FGD3: variants seen among roughly 807,000 people sequenced by gnomAD.
The protein encoded by FGD3 is FYVE, RhoGEF and PH domain containing 3, also known as FYVE, RhoGEF and PH domain-containing protein 3.
In FGD3, 45 loss-of-function variants were observed where a neutral mutation model predicts 71.8. The ratio of observed to expected loss-of-function variants is 0.63; its 90% CI spans 0.49 to 0.80. The LOEUF is 0.80. FGD3 is among the 30% of genes least tolerant of loss of function. The pLI is 0.00. For synonymous variants in FGD3, 378 were observed against 392.8 expected, an observed-to-expected ratio of 0.96 and a Z score of 0.44; for missense variants, 844 against 951.5, an observed-to-expected ratio of 0.89 and a Z score of 1.49.
intron 15 of FGD3, among the ~76,000 whole-genome samples, chr9:93,030,709 G>A (rs1213584569): frequency 1.4e-5 from 2 of 140,954 alleles, no homozygotes; most frequent in Admixed American, 7.1e-5. Context: ...CCACATGGCG[G>A]GGGGGCAGCA....
chr9:93,031,896 CAGAG>C (rs1461050783), intron 15 of FGD3, among the ~76,000 whole-genome samples: 8 of 151,912 alleles, frequency 5.3e-5, no homozygotes, highest in African/African-American at 1.9e-4. Context: ...GAGACCGAGG[CAGAG>C]AGAGACAGGA....
chr9:93,024,852 A>G (rs1296431285), intron 14 of FGD3, among the ~76,000 whole-genome samples: 1 of 152,252 alleles, frequency 6.6e-6, no homozygotes, highest in Non-Finnish European at 1.5e-5. Context: ...CTGCAAGGCC[A>G]TTGTTTAAAA....
rs746533794 is a variant in FGD3 at position 93,010,311 on chromosome 9, C to T, written c.903C>T (p.Pro301=). The change falls in exon 7 of 18, where the codon CCC becomes CCT. Residue 301 remains proline (P), a synonymous_variant. Transcript: ENST00000375482. Reference sequence around the variant, plus strand: ...TGCTGGAGCCCGTGCAGAGGGTCCCCCGGTACGAGCTGCTGCTCAAGGACT... The same window carrying T: ...TGCTGGAGCCCGTGCAGAGGGTCCCTCGGTACGAGCTGCTGCTCAAGGACT... ...HHMLEPVQRV[P]RYELLLKDYL... 9.3e-6 allele frequency: 15 copies of T among 1,613,688 alleles called. No individual in the cohort carries two copies. The highest frequency in any genetic ancestry group is 1.3e-5 in the Non-Finnish European group (15 of 1,179,684).
intron 7 of FGD3, among the ~76,000 whole-genome samples, chr9:93,010,782 A>T (rs1426894348): frequency 6.6e-6 from 1 of 152,106 alleles, no homozygotes; most frequent in East Asian, 1.9e-4. Flanking sequence ...GAAGGGACTT[A>T]GCATCTTTGA....
At chr9:93,022,429 C>G in intron 14 of FGD3, 40 bp downstream of exon 14, 1 of 1,601,604 alleles carries the variant, frequency 6.2e-7, no homozygotes, top group East Asian at 2.2e-5. Flanking sequence ...GGGTGAAAGG[C>G]AGAGCAGGGG....
At chr9:93,011,182 G>T (rs780957582) in intron 7 of FGD3, 32 bp from the exon 8 acceptor site, 3 of 1,613,540 alleles carry the variant, frequency 1.9e-6, no homozygotes, top group Non-Finnish European at 2.5e-6. Context: ...AGCCACCGTG[G>T]CCCCAGGCTG....
chr9:93,014,606 A>C (rs2118764599), intron 9 of FGD3, among the ~76,000 whole-genome samples: 1 of 152,202 alleles, frequency 6.6e-6, no homozygotes, highest in South Asian at 2.1e-4. Context: ...TACAGTTGTG[A>C]CCACAATCAA....
chr9:92,957,051 G>T (rs898961315), intron 1 of FGD3, among the ~76,000 whole-genome samples: 1 of 152,008 alleles, frequency 6.6e-6, no homozygotes, highest in African/African-American at 2.4e-5. Flanking sequence ...GCTGGATCCT[G>T]TTCCATCCAT....
intron 3 of FGD3, among the ~76,000 whole-genome samples, chr9:92,985,160 C>A (rs2118621192): frequency 6.6e-6 from 1 of 152,240 alleles, no homozygotes; most frequent in East Asian, 1.9e-4. Context: ...CCCACTGGGG[C>A]AGTTTGCCTT....
chr9:92,963,685 C>T (rs1859216420), intron 1 of FGD3, among the ~76,000 whole-genome samples: 1 of 152,220 alleles, frequency 6.6e-6, no homozygotes, highest in Admixed American at 6.5e-5. Context: ...CTAAGCCCTT[C>T]AGGACCTGGT....
chr9:92,970,327 C>G (rs971669521), intron 1 of FGD3, among the ~76,000 whole-genome samples: 2 of 152,192 alleles, frequency 1.3e-5, no homozygotes, highest in African/African-American at 2.4e-5. Flanking sequence ...CTAAAATAAT[C>G]AAGAGAATCA....
intron 3 of FGD3, among the ~76,000 whole-genome samples, chr9:92,990,970 T>C (rs1366416401): frequency 6.6e-6 from 1 of 152,236 alleles, no homozygotes; most frequent in Non-Finnish European, 1.5e-5. Flanking sequence ...ATTCAATTTT[T>C]TGGAATAGTT....
rs889919724 is a variant in FGD3 at position 93,011,367 on chromosome 9, G to T, written c.1035+95G>T. The T allele has an allele frequency of 3.2e-5, 47 of 1,474,660 alleles. No homozygotes were observed. The Admixed American group carries it at 7.7e-4, about 24-fold the overall frequency. 91.3% of individuals were successfully genotyped at this position (1,474,660 alleles called of 1,614,324 possible). A position where few individuals can be genotyped will look rare whatever the true frequency, so the allele number is the denominator to read the frequency against. On this transcript the variant is annotated intron_variant, in intron 8 of 17. Transcript: ENST00000375482. ...GCCAGCCCCTTTGCCGCTATCCTTTGGGGGGCTCCACAAGTGACTCTTTTA... is the reference window on the plus strand; with the variant it reads ...GCCAGCCCCTTTGCCGCTATCCTTTTGGGGGCTCCACAAGTGACTCTTTTA...
rs569997411 is a variant in FGD3 at position 93,028,450 on chromosome 9, C to T, written c.1558-1424C>T. ...TCCAGCTCTGACATCCTGGGGAACT[C>T]GATACATATCTTTGCCTTTTCCTAA... On this transcript the variant is annotated intron_variant, in intron 14 of 17. Coordinates refer to ENST00000375482, the MANE Select transcript of FGD3 (RefSeq NM_001083536.2). Among the ~76,000 whole-genome samples the T allele has an allele frequency of 5.3e-5, 8 of 152,086 alleles. No individual in the cohort carries two copies. In the East Asian group the frequency reaches 7.7e-4, roughly 15 times the overall value.
At chr9:92,967,816 G>A (rs1393012641) in intron 1 of FGD3, among the ~76,000 whole-genome samples, 5 of 151,932 alleles carry the variant, frequency 3.3e-5, no homozygotes, top group East Asian at 1.9e-4. Context: ...CTCGTGATCC[G>A]CCCGCCTCGG....
intron 9 of FGD3, 67 bp downstream of exon 9, chr9:93,014,065 T>C (rs1015943070): frequency 6.6e-7 from 1 of 1,515,912 alleles, no homozygotes; most frequent in Non-Finnish European, 8.8e-7. Context: ...CCCAGGGCAG[T>C]GCCAGGAGGG....
intron 6 of FGD3, 28 bp downstream of exon 6, chr9:93,006,208 CAGATGTTCTCA>C (rs769847164): frequency 3.3e-6 from 5 of 1,507,764 alleles, no homozygotes; most frequent in Non-Finnish European, 4.5e-6. Flanking sequence ...AGTGTGGACA[CAGATGTTCTCA>C]AGATGCACAG....
At chr9:92,948,385 A>G (rs1363214178) in intron 1 of FGD3, among the ~76,000 whole-genome samples, 1 of 152,254 alleles carries the variant, frequency 6.6e-6, no homozygotes, top group East Asian at 1.9e-4. Context: ...TCGGATAGAC[A>G]TGGGCCGAAA....
chr9:93,035,218 C>T, intron 17 of FGD3, 120 bp from the exon 18 acceptor site: 1 of 1,411,184 alleles, frequency 7.1e-7, no homozygotes, highest in Non-Finnish European at 9.3e-7. Flanking sequence ...CCCTCGGGCT[C>T]AGCACCTGCC....
Sources: allele counts gnomAD v4.1 joint callset (sites outside exome capture counted in the v4.1 genomes callset), GRCh38; gene constraint gnomAD v4.1.1; transcripts MANE v1.5; gene names NCBI Gene and HGNC (gene_info 2026-07-23, HGNC 2026-07-21).